LCT: variants seen among roughly 807,000 people sequenced by gnomAD.
LCT encodes lactase/phlorizin hydrolase.
In LCT, 90 loss-of-function variants were observed where a neutral mutation model predicts 173.0. That is an observed-to-expected ratio of 0.52 (90% CI 0.44 to 0.62). The LOEUF (loss-of-function observed/expected upper bound fraction) is 0.62, where lower values mean the gene tolerates loss of function less well. LCT is among the 20% of genes least tolerant of loss of function. LCT has a pLI of 0.00. For synonymous variants in LCT, 853 were observed against 957.6 expected, an observed-to-expected ratio of 0.89 and a Z score of 2.02; for missense variants, 1,864 against 2,431.4, an observed-to-expected ratio of 0.77 and a Z score of 4.91.
Position 135,809,476 on chromosome 2 carries a change from G to C in LCT, c.2871C>G (p.His957Gln). Residue 957 changes from histidine (H) to glutamine (Q), a missense_variant, in exon 8 of 17, where the codon CAC becomes CAG. Coordinates refer to ENST00000264162, the MANE Select transcript of LCT (RefSeq NM_002299.4). This position sits in a 1 kb window ranked among gnomAD's most constrained non-coding sequence, Gnocchi z 5.5. ...ATGDIACDSYHQLDADLNMLR... is the reference protein window; with the variant it reads ...ATGDIACDSYQQLDADLNMLR... ...GCATATTCAGATCGGCATCCAGCTG[G>C]TGATAGCTGTCACAGGCGATGTCTC... 6.2e-7 allele frequency: 1 copy of C among 1,614,248 alleles called. No individual in the cohort carries two copies. The highest frequency in any genetic ancestry group is 8.5e-7 in the Non-Finnish European group (1 of 1,180,052).
chr2:135,829,396 T>A (rs948479763), intron 3 of LCT, among the ~76,000 whole-genome samples, 197 bp downstream of exon 3: 1 of 152,124 alleles, frequency 6.6e-6, no homozygotes, highest in Non-Finnish European at 1.5e-5. Flanking sequence ...AACCCTTGTA[T>A]CCCTTCTAGG....
chr2:135,812,487 C>T lies in LCT; in HGVS notation c.2177G>A (p.Arg726His), dbSNP rs886054866. Residue 726 changes from arginine (R) to histidine (H), a missense_variant, in exon 7 of 17, where the codon CGT becomes CAT. Physicochemically the swap from Arg to His is conservative, Grantham distance 29. This residue lies in a region of LCT where 755 missense variants were observed against 926.3 expected (regional missense o/e 0.82). Transcript: ENST00000264162. Reference sequence around the variant, plus strand: ...CCTCCTTATCCCCCAGGGCACCACACGAATCCAAGAGGATGAGGTCTGGGG... The same window carrying T: ...CCTCCTTATCCCCCAGGGCACCACATGAATCCAAGAGGATGAGGTCTGGGG... ...VWPQTSSSWI[R>H]VVPWGIRRLL... is the part of the protein sequence containing the mutation. The T allele has an allele frequency of 7.4e-6, 12 of 1,614,110 alleles. No homozygotes were observed. The highest frequency in any genetic ancestry group is 1.6e-4 in the Middle Eastern group (1 of 6,084).
At chr2:135,830,080 C>A (rs2077922560) in intron 2 of LCT, among the ~76,000 whole-genome samples, 1 of 152,102 alleles carries the variant, frequency 6.6e-6, no homozygotes, top group South Asian at 2.1e-4. Context: ...GGTGGTGGAG[C>A]CTTCAGCCAC....
rs369410973 is a variant in LCT, at chr2:135,789,641, G to A, written c.5493C>T (p.Tyr1831=). The A allele has an allele frequency of 5.5e-5, 88 of 1,614,032 alleles. No individual in the cohort carries two copies. The Middle Eastern group carries it at 8.2e-4, about 15-fold the overall frequency. Reference sequence around the variant, plus strand: ...AGCCATTGCATCGGACCACAGAGGCGTAGAACTTCGCTGATGCTTTGGGGA... The same window carrying A: ...AGCCATTGCATCGGACCACAGAGGCATAGAACTTCGCTGATGCTTTGGGGA... ...PRIPKASAKF[Y]ASVVRCNGFP... The change falls in exon 16 of 17, where the codon TAC becomes TAT. Residue 1831 remains tyrosine, a synonymous_variant. Coordinates refer to ENST00000264162, the MANE Select transcript of LCT (RefSeq NM_002299.4).
At position 135,810,001 on chromosome 2, in the gene LCT, GA is replaced by G. The variant is rs771213704; in HGVS notation, c.2354-9del. On this transcript the variant is annotated splice_polypyrimidine_tract_variant and intron_variant, in intron 7 of 16. Coordinates refer to ENST00000264162, the MANE Select transcript of LCT (RefSeq NM_002299.4). The stretch of plus-strand genomic sequence containing the variant: ...CAGAGTCTTCCTTGATAGCTGTGAA[GA>G]AAAATAAAAATTAGATTTATTTATT... 6.4e-7 allele frequency: 1 copy of G among 1,558,870 alleles called. No individual in the cohort carries two copies. The highest frequency in any genetic ancestry group is 8.8e-7 in the Non-Finnish European group (1 of 1,130,870).
chr2:135,810,753 G>C (rs1030002834), intron 7 of LCT, among the ~76,000 whole-genome samples: 2 of 149,462 alleles, frequency 1.3e-5, no homozygotes, highest in Non-Finnish European at 3.0e-5. Flanking sequence ...GTGGCCAGGC[G>C]TGGTGGCTCA....
At chr2:135,801,717 G>A (rs2077629349) in intron 11 of LCT, among the ~76,000 whole-genome samples, 1 of 150,708 alleles carries the variant, frequency 6.6e-6, no homozygotes, top group Non-Finnish European at 1.5e-5. Flanking sequence ...GGGACTGCAG[G>A]CGCATGCCAC....
chr2:135,802,167 A>G (rs955673892), intron 11 of LCT, among the ~76,000 whole-genome samples: 5 of 152,200 alleles, frequency 3.3e-5, no homozygotes, highest in Admixed American at 1.3e-4. Context: ...GCCTCTGATA[A>G]CGATTTGAGG....
At chr2:135,816,954 T>G (rs1332572447) in intron 6 of LCT, among the ~76,000 whole-genome samples, 1 of 152,096 alleles carries the variant, frequency 6.6e-6, no homozygotes, top group East Asian at 1.9e-4. Flanking sequence ...CTGCAGCCTC[T>G]GCATACCAGG....
At position 135,805,022 on chromosome 2, in the gene LCT, G is replaced by A; in HGVS notation, c.4209C>T (p.Leu1403=). 3.1e-6 allele frequency: 5 copies of A among 1,614,156 alleles called. No individual in the cohort carries two copies. The highest frequency in any genetic ancestry group is 4.2e-6 in the Non-Finnish European group (5 of 1,180,020). The change falls in exon 10 of 17, where the codon CTC becomes CTT. Residue 1403 remains leucine, a synonymous_variant. Transcript: ENST00000264162. ...EGAWRADGKG[L]SIWDTFSHTP... is the part of the protein sequence containing the mutation. Reference sequence around the variant, plus strand: ...TGTGAGAAAACGTGTCCCAAATGCTGAGTCCTTTGCCATCTGCTCTCCACG... The same window carrying A: ...TGTGAGAAAACGTGTCCCAAATGCTAAGTCCTTTGCCATCTGCTCTCCACG...
intron 6 of LCT, among the ~76,000 whole-genome samples, chr2:135,813,517 A>G (rs2077752728): frequency 1.3e-5 from 2 of 152,362 alleles, no homozygotes; most frequent in Admixed American, 6.5e-5. Flanking sequence ...CTACTACTTA[A>G]TGAATTCTCT....
rs1412636076 is a variant in LCT at position 135,827,981 on chromosome 2, C to T, written c.804+1612G>A. ...CTCTGCCTCAGGTAAAATGGAGGGT[C>T]CATGTAGCTGAAGCTCAGTTTGACA... On this transcript the variant is annotated intron_variant, in intron 3 of 16. Coordinates refer to ENST00000264162, the MANE Select transcript of LCT (RefSeq NM_002299.4). 2.0e-5 allele frequency among the ~76,000 whole-genome samples: 3 copies of T among 152,290 alleles called. No homozygotes were observed. In the East Asian group the frequency reaches 5.8e-4, roughly 29 times the overall value.
intron 14 of LCT, among the ~76,000 whole-genome samples, chr2:135,791,717 G>T (rs2077534561): frequency 6.6e-6 from 1 of 152,218 alleles, no homozygotes; most frequent in Non-Finnish European, 1.5e-5. Flanking sequence ...GGGTGTTCTG[G>T]AGTCTCCTCA....
chr2:135,809,279 A>T lies in LCT; in HGVS notation c.3068T>A (p.Leu1023Gln). Residue 1023 changes from leucine to glutamine, a missense_variant, in exon 8 of 17, where the codon CTG becomes CAG. Leu to Gln is a moderately radical substitution (Grantham distance 113, BLOSUM62 -2). Coordinates refer to ENST00000264162, the MANE Select transcript of LCT (RefSeq NM_002299.4). The surrounding 1 kb of genome is among the most constrained non-coding windows in gnomAD (Gnocchi z 5.5). Reference protein sequence around the residue: ...FPMVTLFHWDLPQALQDIGGW... With the variant: ...FPMVTLFHWDQPQALQDIGGW... ...TCCGATATCCTGGAGGGCCTGGGGC[A>T]GGTCCCAATGGAACAATGTCACCAT... 6.2e-7 allele frequency: 1 copy of T among 1,614,212 alleles called. No individual in the cohort carries two copies. Among genetic ancestry groups the T allele is most frequent in the Non-Finnish European group, 8.5e-7 (1 of 1,180,004 alleles).
intron 13 of LCT, 41 bp downstream of exon 13, chr2:135,797,988 C>T (rs112526528): frequency 2.0e-5 from 22 of 1,116,464 alleles, no homozygotes; most frequent in East Asian, 1.6e-4. Context: ...TCTGTGACCC[C>T]GACGCCCATG....
chr2:135,809,007 G>A lies in LCT; in HGVS notation c.3340C>T (p.Gln1114Ter). The change falls in exon 8 of 17, where the codon CAG becomes TAG. Residue 1114 changes from glutamine to a stop codon, truncating the protein, a stop_gained. Coordinates refer to ENST00000264162, the MANE Select transcript of LCT (RefSeq NM_002299.4). LOFTEE classifies it high-confidence loss of function. The surrounding 1 kb of genome is among the most constrained non-coding windows in gnomAD (Gnocchi z 5.5). ...VYHTYDEKYR[Q>*]EQKGVISLSL... The stretch of plus-strand genomic sequence containing the variant: ...AGCGAGATGACCCCCTTCTGCTCCT[G>A]CCTGTATTTCTCATCGTACGTGTGA... The A allele has an allele frequency of 6.2e-7, 1 of 1,611,398 alleles. No individual in the cohort carries two copies. The highest frequency in any genetic ancestry group is 8.5e-7 in the Non-Finnish European group (1 of 1,178,140).
At chr2:135,835,482 GTA>G (rs55900419) in intron 1 of LCT, among the ~76,000 whole-genome samples, 2,117 of 65,526 alleles carry the variant, frequency 0.032, 167 homozygotes, top group Non-Finnish European at 0.061. Flanking sequence ...GAACATAGAA[GTA>G]TATATATATA....
In LCT at chr2:135,809,452, C is replaced by T. The variant is rs759477372; in HGVS notation, c.2895G>A (p.Met965Ile). The change falls in exon 8 of 17, where the codon ATG (methionine) becomes ATA (isoleucine). Residue 965 changes from methionine (M) to isoleucine (I), a missense_variant. This residue lies in a region of LCT where 755 missense variants were observed against 926.3 expected (regional missense o/e 0.82). Transcript: ENST00000264162. The surrounding 1 kb of genome is among the most constrained non-coding windows in gnomAD (Gnocchi z 5.5). The part of the protein sequence containing the change: ...SYHQLDADLN[M>I]LRALKVKAYR... ...AGGCCTTCACCTTCAAAGCTCGGAG[C>T]ATATTCAGATCGGCATCCAGCTGGT... 3 of 1,614,216 alleles carry T rather than the reference C, an allele frequency of 1.9e-6. No individual in the cohort carries two copies. The highest frequency in any genetic ancestry group is 2.2e-5 in the East Asian group (1 of 44,892).
intron 1 of LCT, among the ~76,000 whole-genome samples, chr2:135,835,494 A>G (rs1249708160): frequency 6.5e-5 from 4 of 61,404 alleles, no homozygotes; most frequent in South Asian, 1.1e-3. Flanking sequence ...ATATATATAT[A>G]TATATATATA....
Sources: gnomAD v4.1 joint callset for allele counts (sites outside exome capture counted in the v4.1 genomes callset) on GRCh38, gnomAD v4.1.1 for gene constraint, gnomAD v4.1.1 regional missense constraint, Gnocchi (gnomAD v3.1) non-coding constraint, MANE v1.5 for transcripts, NCBI Gene and HGNC (gene_info 2026-07-23, HGNC 2026-07-21) for gene names.